Variants in NQO1 observed in about 807,000 individuals in gnomAD.
NQO1 encodes NAD(P)H quinone dehydrogenase 1.
A neutral mutation model predicts 32.1 loss-of-function variants in NQO1; 30 were observed. That is an observed-to-expected ratio of 0.94 (90% CI 0.70 to 1.27). The LOEUF (loss-of-function observed/expected upper bound fraction) is 1.27, where lower values mean the gene tolerates loss of function less well. Ranked by LOEUF, NQO1 falls within the 50% of genes most tolerant of loss-of-function variation. The pLI is 0.00. For synonymous variants in NQO1, 109 were observed against 119.7 expected, an observed-to-expected ratio of 0.91 and a Z score of 0.59; for missense variants, 276 against 331.3, an observed-to-expected ratio of 0.83 and a Z score of 1.30.
Position 69,713,077 on chromosome 16 carries a change from G to GA in NQO1, c.469dup (p.Ser157PhefsTer36), listed in dbSNP as rs1429766865. The GA allele has an allele frequency of 6.2e-7, 1 of 1,614,146 alleles. No individual in the cohort carries two copies. The highest frequency in any genetic ancestry group is 1.1e-5 in the South Asian group (1 of 91,080). On this transcript the variant is annotated frameshift_variant, in exon 5 of 6. Transcript: ENST00000320623. LOFTEE classifies it high-confidence loss of function. The stretch of plus-strand genomic sequence containing the variant: ...CATGTCCCCGTGGATCCCTTGCAGA[G>GA]AGTACATGGAGCCACTGCCACCAGT...
Position 69,711,023 on chromosome 16 carries a change from A to G in NQO1, c.778T>C (p.Leu260=). Residue 260 remains leucine, a synonymous_variant, in exon 6 of 6, where the codon TTG becomes CTG. Coordinates refer to ENST00000320623, the MANE Select transcript of NQO1 (RefSeq NM_000903.3). The part of the protein sequence containing the change: ...KKFGLSVGHH[L]GKSIPTDNQI... ...TTGTCAGTTGGGATGGACTTGCCCA[A>G]GTGATGGCCCACAGAAAGGCCAAAT... 6.2e-7 allele frequency: 1 copy of G among 1,614,192 alleles called. No homozygotes were observed. Among genetic ancestry groups the G allele is most frequent in the South Asian group, 1.1e-5 (1 of 91,084 alleles).
At chr16:69,722,812 T>C (rs1248360506) in intron 1 of NQO1, among the ~76,000 whole-genome samples, 7 of 152,204 alleles carry the variant, frequency 4.6e-5, no homozygotes, top group African/African-American at 1.7e-4. Flanking sequence ...CTTTAACCCA[T>C]GGATTTAACA....
At chr16:69,719,884 G>A (rs562350690) in intron 1 of NQO1, among the ~76,000 whole-genome samples, 40 of 152,186 alleles carry the variant, frequency 2.6e-4, no homozygotes, top group Admixed American at 1.0e-3. Flanking sequence ...AGGCTGAGGC[G>A]GCAAGATCCC....
chr16:69,711,654 C>CTTTTT (rs903633662), intron 5 of NQO1, among the ~76,000 whole-genome samples: 1 of 136,720 alleles, frequency 7.3e-6, no homozygotes. Flanking sequence ...TTTTCTTTTT[C>CTTTTT]TTTTTTTTTT....
intron 1 of NQO1, among the ~76,000 whole-genome samples, chr16:69,721,194 A>C (rs995313942): frequency 6.6e-6 from 1 of 152,062 alleles, no homozygotes; most frequent in Non-Finnish European, 1.5e-5. Context: ...CCCGGCCTGC[A>C]CTTTCTTCCT....
Position 69,718,512 on chromosome 16 carries a change from C to G in NQO1, c.30G>C (p.Leu10=). The G allele has an allele frequency of 1.2e-6, 2 of 1,613,904 alleles. No homozygotes were observed. The highest frequency in any genetic ancestry group is 1.7e-6 in the Non-Finnish European group (2 of 1,179,948). The change falls in exon 2 of 6, where the codon CTG becomes CTC. Residue 10 remains leucine, a synonymous_variant. Coordinates refer to ENST00000320623, the MANE Select transcript of NQO1 (RefSeq NM_000903.3). MVGRRALIV[L]AHSERTSFNY... ...TGAAGGACGTCCTCTCTGAGTGAGC[C>G]AGTACGATCAGTGCTCTTCTGCCTA...
chr16:69,721,397 C>T (rs893600897), intron 1 of NQO1, among the ~76,000 whole-genome samples: 2 of 152,172 alleles, frequency 1.3e-5, no homozygotes, highest in Admixed American at 6.6e-5. Flanking sequence ...CCACCTTCTA[C>T]CTCCCACCGT....
At chr16:69,714,852 C>T (rs1170949346) in intron 4 of NQO1, 112 bp downstream of exon 4, 2 of 747,892 alleles carry the variant, frequency 2.7e-6, no homozygotes, top group Non-Finnish European at 4.7e-6. Context: ...GCACTCCAGC[C>T]TGGGCAACAA....
Position 69,710,732 on chromosome 16 carries a change from A to G in NQO1, c.*244T>C, listed in dbSNP as rs1017968392. 1.4e-5 allele frequency: 7 copies of G among 492,196 alleles called. No homozygotes were observed. In the South Asian group the frequency reaches 1.8e-4, roughly 13 times the overall value. The allele number at this position is 492,196 out of a possible 1,614,324, so 30.5% of individuals were successfully genotyped here. Reference sequence around the variant, plus strand: ...TGCCTTTAAAGAACATTTTTCTAGCATCTTTCTACATCTTTCCCTAAGTGG... The same window carrying G: ...TGCCTTTAAAGAACATTTTTCTAGCGTCTTTCTACATCTTTCCCTAAGTGG... On this transcript the variant is annotated 3_prime_UTR_variant, in exon 6 of 6. Coordinates refer to ENST00000320623, the MANE Select transcript of NQO1 (RefSeq NM_000903.3).
Position 69,715,059 on chromosome 16 carries a change from C to T in NQO1, c.322G>A (p.Gly108Arg). The change falls in exon 4 of 6, where the codon GGA becomes AGA. Residue 108 changes from glycine to arginine, a missense_variant. Gly to Arg is a moderately radical substitution (Grantham distance 125, BLOSUM62 -2). Transcript: ENST00000320623. ...CAGCCTTTCAGAATGGCAGGGACTC[C>T]AAACCACTGCAGGGGGAACTGTGGG... ...VIFQFPLQWF[G>R]VPAILKGWFE... is the part of the protein sequence containing the mutation. 6.2e-7 allele frequency: 1 copy of T among 1,613,520 alleles called. No individual in the cohort carries two copies. Among genetic ancestry groups the T allele is most frequent in the South Asian group, 1.1e-5 (1 of 91,070 alleles).
In NQO1 at chr16:69,711,794, C is replaced by T. The variant is rs144612532; in HGVS notation, c.520-513G>A. On this transcript the variant is annotated intron_variant, in intron 5 of 5. Transcript: ENST00000320623. ...TCAGCCTCCCGAGTAGCTGGGATTA[C>T]AGGCATGCGCCACCATGCCCAGATA... 3.3e-5 allele frequency among the ~76,000 whole-genome samples: 5 copies of T among 152,002 alleles called. No individual in the cohort carries two copies. The East Asian group carries it at 9.7e-4, about 30-fold the overall frequency.
intron 3 of NQO1, among the ~76,000 whole-genome samples, chr16:69,717,008 A>G (rs1039243332): frequency 5.3e-5 from 8 of 150,784 alleles, no homozygotes; most frequent in Non-Finnish European, 8.9e-5. Context: ...TGTGGCTTTG[A>G]TTCTTAGCAA....
intron 3 of NQO1, among the ~76,000 whole-genome samples, chr16:69,715,541 G>A (rs553971455): frequency 3.3e-5 from 5 of 152,350 alleles, no homozygotes; most frequent in Admixed American, 2.0e-4. Context: ...GCCAAGGCGG[G>A]TGGATCACTT....
chr16:69,712,347 T>C (rs750368108), intron 5 of NQO1, among the ~76,000 whole-genome samples: 1 of 152,034 alleles, frequency 6.6e-6, no homozygotes, highest in African/African-American at 2.4e-5. Flanking sequence ...CAGTAAATCA[T>C]TTCTTAAATT....
intron 1 of NQO1, among the ~76,000 whole-genome samples, chr16:69,722,498 A>G (rs2151747073): frequency 6.6e-6 from 1 of 152,280 alleles, no homozygotes; most frequent in East Asian, 1.9e-4. Context: ...AATAACTAGA[A>G]ATAACTAAAA....
At chr16:69,722,200 G>C (rs1327448351) in intron 1 of NQO1, among the ~76,000 whole-genome samples, 1 of 152,046 alleles carries the variant, frequency 6.6e-6, no homozygotes, top group Non-Finnish European at 1.5e-5. Flanking sequence ...GTCTTGCTCT[G>C]TCACCCAGGC....
intron 1 of NQO1, among the ~76,000 whole-genome samples, chr16:69,720,096 A>G (rs2038169202): frequency 6.6e-6 from 1 of 152,100 alleles, no homozygotes; most frequent in South Asian, 2.1e-4. Flanking sequence ...CCTTCTCTAC[A>G]AAACGTACAA....
chr16:69,721,831 CAAAAA>C (rs11325347), intron 1 of NQO1, among the ~76,000 whole-genome samples: 3 of 97,136 alleles, frequency 3.1e-5, no homozygotes, highest in African/African-American at 8.0e-5. Context: ...CCGTTTCTAC[CAAAAA>C]AAAAAAAAAA....
chr16:69,711,975 A>G (rs1012536611), intron 5 of NQO1, among the ~76,000 whole-genome samples: 12 of 152,062 alleles, frequency 7.9e-5, no homozygotes, highest in Non-Finnish European at 1.0e-4. Context: ...GTGGCCACTC[A>G]CTGGCTCTTC....
Sources: gnomAD v4.1 joint callset for allele counts (sites outside exome capture counted in the v4.1 genomes callset) on GRCh38, gnomAD v4.1.1 for gene constraint, MANE v1.5 for transcripts, NCBI Gene and HGNC (gene_info 2026-07-23, HGNC 2026-07-21) for gene names.